Variants in PTPN22 observed in about 807,000 individuals in gnomAD.
PTPN22 encodes the protein protein tyrosine phosphatase non-receptor type 22.
A neutral mutation model predicts 103.3 loss-of-function variants in PTPN22; 85 were observed. That is an observed-to-expected ratio of 0.82 (90% CI 0.69 to 0.99). The LOEUF (loss-of-function observed/expected upper bound fraction) is 0.99. PTPN22 is among the 50% of genes least tolerant of loss of function. The probability of loss-of-function intolerance (pLI) is 0.00; values close to 1 mark genes in which losing one functional copy is unlikely to be tolerated. For missense variants in PTPN22, 865 were observed against 936.9 expected (o/e 0.92, Z 1.00); for synonymous variants, 323 against 310.2 (o/e 1.04, Z -0.43).
At position 113,837,659 on chromosome 1, in the gene PTPN22, G is replaced by A. The variant is rs747816330; in HGVS notation, c.1741C>T (p.His581Tyr). 3.1e-6 allele frequency: 5 copies of A among 1,604,872 alleles called. No individual in the cohort carries two copies. The African/African-American group carries it at 4.0e-5, about 13-fold the overall frequency. ...GGAGAATTCAGTGATAAAGAATCAT[G>A]TGAATTGTAATAAGAGAAGAGGGAT... Residue 581 changes from histidine (H) to tyrosine (Y), a missense_variant, in exon 13 of 21, where the codon CAT becomes TAT. Around this residue, in one of 3 missense-constraint regions of PTPN22, gnomAD observed 401 missense variants for 388.6 expected, o/e 1.03. Transcript: ENST00000359785.
chr1:113,824,932 A>G (rs1475800830), intron 19 of PTPN22, among the ~76,000 whole-genome samples: 1 of 140,630 alleles, frequency 7.1e-6, no homozygotes, highest in African/African-American at 2.7e-5. Flanking sequence ...CTCATCGCCT[A>G]CTCCCTGCCC....
intron 10 of PTPN22, among the ~76,000 whole-genome samples, chr1:113,850,238 AAGG>A (rs1558043459): frequency 7.4e-5 from 11 of 149,540 alleles, no homozygotes; most frequent in African/African-American, 2.7e-4. Flanking sequence ...GGAAGGAAGG[AAGG>A]AAGGAAGGAA....
chr1:113,851,950 G>T, intron 10 of PTPN22, 77 bp downstream of exon 10: 2 of 1,124,392 alleles, frequency 1.8e-6, no homozygotes, highest in Non-Finnish European at 2.6e-6. Context: ...GCAGTCAGCT[G>T]TTTTTGGATG....
At chr1:113,864,582 TC>T (rs1665948780) in intron 1 of PTPN22, among the ~76,000 whole-genome samples, 1 of 129,042 alleles carries the variant, frequency 7.7e-6, no homozygotes, top group African/African-American at 3.1e-5. Flanking sequence ...ACTACTGCAC[TC>T]CAGCCTAGAT....
At chr1:113,834,396 C>T (rs779039493) in exon 15 of PTPN22, 3 of 1,613,458 alleles carry the variant, frequency 1.9e-6, no homozygotes, top group Non-Finnish European at 2.5e-6. Context: ...TTTTTACCTT[C>T]ACAGCTGAGG....
exon 18 of PTPN22, chr1:113,829,685 T>C (rs74163662): frequency 5.6e-6 from 9 of 1,599,224 alleles, no homozygotes; most frequent in African/African-American, 1.4e-5. Context: ...TAGAATATGT[T>C]TCTATAGATT....
intron 2 of PTPN22, 86 bp from the exon 3 acceptor site, chr1:113,859,164 GCT>G: frequency 6.4e-7 from 1 of 1,574,258 alleles, no homozygotes; most frequent in Non-Finnish European, 8.6e-7. Flanking sequence ...AATAGTGTAT[GCT>G]CATGAGTGAA....
exon 13 of PTPN22, chr1:113,838,087 A>G (rs1392480111): frequency 6.2e-7 from 1 of 1,613,988 alleles, no homozygotes; most frequent in South Asian, 1.1e-5. Flanking sequence ...CTTTGAATTA[A>G]AATATCTTCC....
At chr1:113,821,302 G>T (rs1387919848) in intron 19 of PTPN22, among the ~76,000 whole-genome samples, 2 of 151,868 alleles carry the variant, frequency 1.3e-5, no homozygotes, top group African/African-American at 4.8e-5. Context: ...GGATTTTTTT[G>T]TTTTGTTTTG....
intron 3 of PTPN22, 74 bp downstream of exon 3, chr1:113,858,928 T>C: frequency 6.5e-7 from 1 of 1,546,144 alleles, no homozygotes; most frequent in South Asian, 1.2e-5. Flanking sequence ...CATGAGCCAC[T>C]GAGTCCAGCC....
At chr1:113,845,668 T>C (rs1336655501) in intron 11 of PTPN22, among the ~76,000 whole-genome samples, 1 of 152,178 alleles carries the variant, frequency 6.6e-6, no homozygotes, top group Non-Finnish European at 1.5e-5. Flanking sequence ...TGGTGTTGAG[T>C]TCACCTATAT....
intron 9 of PTPN22, among the ~76,000 whole-genome samples, chr1:113,853,165 C>T (rs1251531694): frequency 5.9e-5 from 9 of 151,374 alleles, no homozygotes; most frequent in South Asian, 2.1e-4. Context: ...CTTGAACTCC[C>T]GACCTCAGGT....
intron 11 of PTPN22, among the ~76,000 whole-genome samples, chr1:113,847,401 AATCCTTGTCAGATAATTCTGAC>A (rs1417167746): frequency 8.6e-5 from 11 of 127,596 alleles, no homozygotes; most frequent in Non-Finnish European, 5.2e-5. Context: ...GCTGCTTTAA[AATCCTTGTCAGATAATTCTGAC>A]ATCTGTATCA....
chr1:113,862,394 C>T (rs1291370060), intron 1 of PTPN22, among the ~76,000 whole-genome samples: 5 of 152,120 alleles, frequency 3.3e-5, no homozygotes, highest in African/African-American at 9.7e-5. Context: ...TCTGTGTGTG[C>T]TTGATAAGCT....
chr1:113,832,638 A>T (rs545822464), intron 16 of PTPN22, among the ~76,000 whole-genome samples: 7 of 152,330 alleles, frequency 4.6e-5, no homozygotes, highest in Non-Finnish European at 1.0e-4. Flanking sequence ...AGTATGAATA[A>T]ATATGTTAAG....
exon 13 of PTPN22, chr1:113,838,117 G>A: frequency 6.2e-7 from 1 of 1,613,984 alleles, no homozygotes; most frequent in Non-Finnish European, 8.5e-7. Context: ...TACAGGTTTA[G>A]AATTAGAACA....
chr1:113,850,255 AGG>A, intron 10 of PTPN22, among the ~76,000 whole-genome samples: 1 of 151,410 alleles, frequency 6.6e-6, no homozygotes, highest in African/African-American at 2.4e-5. Context: ...GAAGGAAGGA[AGG>A]AAGGAAGGAA....
At chr1:113,850,258 AAGGAAGGAAGGAAG>A in intron 10 of PTPN22, among the ~76,000 whole-genome samples, 1 of 149,194 alleles carries the variant, frequency 6.7e-6, no homozygotes, top group African/African-American at 2.5e-5. Flanking sequence ...GGAAGGAAGG[AAGGAAGGAAGGAAG>A]GAAAGAAAGG....
intron 1 of PTPN22, 108 bp downstream of exon 1, chr1:113,871,429 C>T (rs1666571799): frequency 3.7e-6 from 3 of 819,192 alleles, no homozygotes; most frequent in Non-Finnish European, 6.0e-6. Context: ...CCGCCAAGGT[C>T]TCATATTTAC....
Sources: allele counts gnomAD v4.1 joint callset (sites outside exome capture counted in the v4.1 genomes callset), GRCh38; gene constraint gnomAD v4.1.1; regional missense constraint gnomAD v4.1.1; transcripts MANE v1.5; gene names NCBI Gene and HGNC (gene_info 2026-07-23, HGNC 2026-07-21).